The following CACNG2 variants were observed in gnomAD, a reference collection of about 807,000 sequenced individuals.
The protein encoded by CACNG2 is calcium voltage-gated channel auxiliary subunit gamma 2, also known as voltage-dependent calcium channel gamma-2 subunit.
CACNG2 carries 3 observed loss-of-function variants against 25.9 expected under a neutral mutation model. The observed-to-expected ratio is 0.12, with a 90% CI of 0.05 to 0.30. The LOEUF (loss-of-function observed/expected upper bound fraction) is 0.30, where lower values mean the gene tolerates loss of function less well. Among genes scored for constraint, CACNG2 ranks in the 10% least tolerant of loss-of-function variants. The pLI is 1.00. For synonymous variants in CACNG2, 167 were observed against 173.3 expected (o/e 0.96, Z 0.29); for missense variants, 341 against 432.5 (o/e 0.79, Z 1.88).
intron 1 of CACNG2, among the ~76,000 whole-genome samples, chr22:36,663,796 A>G (rs1261611635): frequency 1.2e-4 from 19 of 152,146 alleles, no homozygotes; most frequent in Non-Finnish European, 2.8e-4. Flanking sequence ...AGGCAGCCCT[A>G]ACCCAGCTCC....
At chr22:36,686,843 G>A (rs947579453) in intron 1 of CACNG2, among the ~76,000 whole-genome samples, 3 of 152,154 alleles carry the variant, frequency 2.0e-5, no homozygotes, top group South Asian at 2.1e-4. Flanking sequence ...CTGTGGAGTC[G>A]CCGCTAGTCA....
intron 1 of CACNG2, among the ~76,000 whole-genome samples, chr22:36,599,011 C>T (rs1226423832): frequency 1.3e-5 from 2 of 152,110 alleles, no homozygotes; most frequent in Non-Finnish European, 1.5e-5. Context: ...TCAAAACATA[C>T]GTATAGCCTG....
chr22:36,624,758 G>A (rs796653866), intron 1 of CACNG2, among the ~76,000 whole-genome samples: 2 of 152,104 alleles, frequency 1.3e-5, no homozygotes, highest in East Asian at 1.9e-4. Context: ...GGCCGGGCCC[G>A]GTGGCTCCCG....
At chr22:36,656,502 C>T (rs1265750757) in intron 1 of CACNG2, among the ~76,000 whole-genome samples, 1 of 152,214 alleles carries the variant, frequency 6.6e-6, no homozygotes, top group Non-Finnish European at 1.5e-5. Context: ...CCACATCTTA[C>T]ACCTGGATGG....
chr22:36,604,809 A>G (rs1935807505), intron 1 of CACNG2, among the ~76,000 whole-genome samples: 1 of 152,156 alleles, frequency 6.6e-6, no homozygotes, highest in Non-Finnish European at 1.5e-5. Context: ...ACAGAATCTC[A>G]CTCGGTCACC....
At chr22:36,589,211 C>G (rs1023849956) in intron 1 of CACNG2, among the ~76,000 whole-genome samples, 1 of 151,968 alleles carries the variant, frequency 6.6e-6, no homozygotes, top group Non-Finnish European at 1.5e-5. Context: ...GCTGGTCCCC[C>G]ACTCCTGACT....
intron 1 of CACNG2, among the ~76,000 whole-genome samples, chr22:36,652,271 C>T (rs5995321): frequency 0.11 from 16,225 of 152,082 alleles, 2,874 homozygotes; most frequent in African/African-American, 0.37. Context: ...CCCAGCTGGT[C>T]TCCAGGCATG....
intron 1 of CACNG2, among the ~76,000 whole-genome samples, chr22:36,646,240 G>A (rs1569039483): frequency 1.3e-5 from 2 of 152,026 alleles, no homozygotes; most frequent in Admixed American, 6.6e-5. Flanking sequence ...AGCATTAGCC[G>A]AGGAAACTTA....
chr22:36,654,884 T>G (rs55763816), intron 1 of CACNG2, among the ~76,000 whole-genome samples: 3,253 of 152,128 alleles, frequency 0.021, 122 homozygotes, highest in African/African-American at 0.076. Flanking sequence ...CCTAATTTAG[T>G]TTTTTGCCAA....
chr22:36,578,357 CA>C lies in CACNG2; in HGVS notation c.295+9107del, dbSNP rs3076266. Among the ~76,000 whole-genome samples the C allele has an allele frequency of 7.8e-4, 102 of 130,038 alleles. 1 individual carries two copies. The highest frequency in any genetic ancestry group is 6.6e-3 in the South Asian group (25 of 3,812). 85.3% of individuals were successfully genotyped at this position (130,038 alleles called of 152,430 possible). ...TGGGTGACAGAGCGAGACTCAATCT[CA>C]AAAAAAAAAAAAAAGCCGGAATGAT... On this transcript the variant is annotated intron_variant, in intron 2 of 3. Coordinates refer to ENST00000300105, the MANE Select transcript of CACNG2 (RefSeq NM_006078.5).
At chr22:36,697,910 AT>A (rs1365594042) in intron 1 of CACNG2, among the ~76,000 whole-genome samples, 1 of 151,766 alleles carries the variant, frequency 6.6e-6, no homozygotes, top group African/African-American at 2.4e-5. Flanking sequence ...TCAATTGGAT[AT>A]TTTTTTTCTT....
chr22:36,574,967 T>A (rs1935289971), intron 2 of CACNG2, among the ~76,000 whole-genome samples: 1 of 152,150 alleles, frequency 6.6e-6, no homozygotes, highest in South Asian at 2.1e-4. Context: ...GTTGAAGCTA[T>A]CTCACAGACA....
intron 3 of CACNG2, 118 bp from the exon 4 acceptor site, chr22:36,565,004 C>G (rs757434574): frequency 2.3e-6 from 2 of 873,800 alleles, no homozygotes; most frequent in African/African-American, 3.3e-5. Flanking sequence ...TCCCCGGTCC[C>G]GCGCCTTCAT....
chr22:36,564,136 C>G lies in CACNG2; in HGVS notation c.*215G>C. On this transcript the variant is annotated 3_prime_UTR_variant, in exon 4 of 4. Coordinates refer to ENST00000300105, the MANE Select transcript of CACNG2 (RefSeq NM_006078.5). This position sits in a 1 kb window ranked among gnomAD's most constrained non-coding sequence, Gnocchi z 6.7. ...TTCCTGTTGTTTTGCTTCTTTGTTCCTCTTATATTTTGTTCTTTTTTTTAA... is the reference window on the plus strand; with the variant it reads ...TTCCTGTTGTTTTGCTTCTTTGTTCGTCTTATATTTTGTTCTTTTTTTTAA... 2.3e-6 allele frequency: 1 copy of G among 439,548 alleles called. No homozygotes were observed. Among genetic ancestry groups the G allele is most frequent in the East Asian group, 3.5e-5 (1 of 28,508 alleles). The allele number at this position is 439,548 out of a possible 1,614,324, so 27.2% of individuals were successfully genotyped here. A position where few individuals can be genotyped will look rare whatever the true frequency, so the allele number is the denominator to read the frequency against.
rs1205263188 is a variant in CACNG2 at position 36,702,490 on chromosome 22, T to C, written c.87A>G (p.Gly29=). ...AAFSLMTIAV[G]TDYWLYSRGV... ...CTCTGGAGTAGAGCCAATAGTCGGT[T>C]CCCACAGCTATGGTCATCAGGCTGA... The change falls in exon 1 of 4, where the codon GGA becomes GGG. Residue 29 remains glycine (G), a synonymous_variant. Transcript: ENST00000300105. 5.6e-6 allele frequency: 9 copies of C among 1,614,030 alleles called. No homozygotes were observed. The highest frequency in any genetic ancestry group is 1.3e-5 in the African/African-American group (1 of 74,900).
chr22:36,597,403 G>A (rs2145929342), intron 1 of CACNG2, among the ~76,000 whole-genome samples: 1 of 152,300 alleles, frequency 6.6e-6, no homozygotes, highest in Non-Finnish European at 1.5e-5. Context: ...GCCTGGCTCT[G>A]TTACCTAGTA....
intron 1 of CACNG2, among the ~76,000 whole-genome samples, chr22:36,609,380 G>A (rs1935892700): frequency 7.1e-6 from 1 of 140,222 alleles, no homozygotes; most frequent in African/African-American, 2.7e-5. Context: ...AGCGTGATCG[G>A]GCAGGAATCA....
intron 1 of CACNG2, among the ~76,000 whole-genome samples, chr22:36,672,846 C>T (rs1936970743): frequency 2.0e-5 from 3 of 152,238 alleles, no homozygotes; most frequent in Non-Finnish European, 4.4e-5. Flanking sequence ...GAACTGGAAG[C>T]TTCTTGGGCT....
intron 1 of CACNG2, among the ~76,000 whole-genome samples, chr22:36,624,943 G>A (rs886069500): frequency 2.0e-5 from 3 of 146,930 alleles, no homozygotes; most frequent in Non-Finnish European, 4.5e-5. Context: ...TAGGAGAATC[G>A]CTCGAACCAG....
Sources: gnomAD v4.1 joint callset for allele counts (sites outside exome capture counted in the v4.1 genomes callset) on GRCh38, gnomAD v4.1.1 for gene constraint, Gnocchi (gnomAD v3.1) non-coding constraint, MANE v1.5 for transcripts, NCBI Gene and HGNC (gene_info 2026-07-23, HGNC 2026-07-21) for gene names.